The following PXDNL variants were observed in gnomAD, a reference collection of about 807,000 sequenced individuals.
PXDNL encodes the protein peroxidasin like.
PXDNL carries 145 observed loss-of-function variants against 150.8 expected under a neutral mutation model. The observed-to-expected ratio is 0.96, with a 90% CI of 0.84 to 1.10. The LOEUF (loss-of-function observed/expected upper bound fraction) is 1.10, where lower values mean the gene tolerates loss of function less well. Among genes scored for constraint, PXDNL ranks in the 50% least tolerant of loss-of-function variants. The probability of loss-of-function intolerance (pLI) is 0.00; values close to 1 mark genes in which losing one functional copy is unlikely to be tolerated. For missense variants in PXDNL, 2,087 were observed against 1,873.9 expected (o/e 1.11, Z -2.10); for synonymous variants, 757 against 725.7 (o/e 1.04, Z -0.69).
intron 2 of PXDNL, among the ~76,000 whole-genome samples, chr8:51,637,314 G>A (rs573878988): frequency 5.9e-5 from 9 of 152,220 alleles, no homozygotes; most frequent in South Asian, 2.1e-4. Context: ...ACAAATGAAC[G>A]CAGCTCCTCA....
At chr8:51,420,254 A>G (rs533406288) in intron 14 of PXDNL, among the ~76,000 whole-genome samples, 3 of 152,326 alleles carry the variant, frequency 2.0e-5, no homozygotes, top group Non-Finnish European at 2.9e-5. Context: ...CCTGTAAGGT[A>G]TGAACTTTTC....
rs1247490204 is a variant in PXDNL at position 51,744,049 on chromosome 8, G to A, written c.164+65132C>T. 1.6e-4 allele frequency among the ~76,000 whole-genome samples: 6 copies of A among 38,244 alleles called. No individual in the cohort carries two copies. The South Asian group carries it at 6.6e-3, about 42-fold the overall frequency. The allele number at this position is 38,244 out of a possible 152,430, so 25.1% of individuals were successfully genotyped here. Reference sequence around the variant, plus strand: ...AAGAGGGAAGGAAGGAAGGAAGGAAGGAAGGAAGGAAGGAAGGAAGGAAGG... The same window carrying A: ...AAGAGGGAAGGAAGGAAGGAAGGAAAGAAGGAAGGAAGGAAGGAAGGAAGG... On this transcript the variant is annotated intron_variant, in intron 1 of 22. Coordinates refer to ENST00000356297, the MANE Select transcript of PXDNL (RefSeq NM_144651.5).
At chr8:51,392,530 G>T (rs1414680201) in intron 17 of PXDNL, among the ~76,000 whole-genome samples, 3 of 151,448 alleles carry the variant, frequency 2.0e-5, no homozygotes, top group Non-Finnish European at 2.9e-5. Context: ...TCATGATTTG[G>T]CTCTCTGTTT....
chr8:51,517,651 T>C (rs1250772291), intron 4 of PXDNL, among the ~76,000 whole-genome samples: 1 of 152,244 alleles, frequency 6.6e-6, no homozygotes, highest in East Asian at 1.9e-4. Flanking sequence ...ATTATATGTG[T>C]AATTGCCTCT....
intron 4 of PXDNL, among the ~76,000 whole-genome samples, chr8:51,544,318 C>A (rs1812303178): frequency 6.6e-6 from 1 of 152,040 alleles, no homozygotes; most frequent in Non-Finnish European, 1.5e-5. Context: ...AGGGGTGAGG[C>A]CTGATAATAA....
intron 1 of PXDNL, among the ~76,000 whole-genome samples, chr8:51,805,362 T>C (rs1007758946): frequency 3.4e-5 from 5 of 148,330 alleles, no homozygotes; most frequent in African/African-American, 4.9e-5. Context: ...ACTTTATATA[T>C]AATTTAAATT....
chr8:51,360,444 A>C (rs576268467), intron 19 of PXDNL, among the ~76,000 whole-genome samples: 1 of 152,296 alleles, frequency 6.6e-6, no homozygotes, highest in Admixed American at 6.5e-5. Context: ...ATAGCTATAC[A>C]TGCCTATACA....
At chr8:51,601,621 T>C (rs1173200376) in intron 2 of PXDNL, among the ~76,000 whole-genome samples, 1 of 152,054 alleles carries the variant, frequency 6.6e-6, no homozygotes, top group Admixed American at 6.6e-5. Flanking sequence ...CATGTCTGAG[T>C]TGAATCTCTT....
At chr8:51,428,610 A>G (rs1176210651) in intron 12 of PXDNL, among the ~76,000 whole-genome samples, 5 of 152,238 alleles carry the variant, frequency 3.3e-5, no homozygotes, top group African/African-American at 7.2e-5. Flanking sequence ...GAAGCAGTTC[A>G]CTGGAAGCCT....
rs561863852 is a variant in PXDNL, at chr8:51,686,455, G to A, written c.165-31695C>T. Among the ~76,000 whole-genome samples, 4 of 152,294 alleles carry A rather than the reference G, an allele frequency of 2.6e-5. No individual in the cohort carries two copies. In the East Asian group the frequency reaches 7.7e-4, roughly 29 times the overall value. ...AGCAAAATAGCAGTAATTGCTAGTG[G>A]TTCTCCTCCTGTTCCCCAATCGGGG... On this transcript the variant is annotated intron_variant, in intron 1 of 22. Transcript: ENST00000356297.
intron 1 of PXDNL, among the ~76,000 whole-genome samples, chr8:51,786,291 C>T (rs1184738860): frequency 1.3e-5 from 2 of 152,130 alleles, no homozygotes; most frequent in Admixed American, 1.3e-4. Flanking sequence ...TCACTGCAAC[C>T]TCCACCTCCT....
At chr8:51,631,622 G>A (rs192001638) in intron 2 of PXDNL, among the ~76,000 whole-genome samples, 211 of 152,136 alleles carry the variant, frequency 1.4e-3, no homozygotes, top group African/African-American at 4.8e-3. Flanking sequence ...AACTATATAG[G>A]TAATTATAAA....
chr8:51,453,865 G>T (rs755269435), intron 9 of PXDNL, 80 bp from the exon 10 acceptor site: 46 of 1,461,620 alleles, frequency 3.1e-5, no homozygotes, highest in Non-Finnish European at 3.8e-5. Flanking sequence ...GTGGTTTTAA[G>T]ATTATTGTCA....
chr8:51,365,607 T>C (rs565909349), intron 19 of PXDNL, among the ~76,000 whole-genome samples: 1 of 152,322 alleles, frequency 6.6e-6, no homozygotes, highest in East Asian at 1.9e-4. Flanking sequence ...AACGTTTGCA[T>C]GCAGCCATCT....
chr8:51,770,576 C>T (rs992439156), intron 1 of PXDNL, among the ~76,000 whole-genome samples: 4 of 152,212 alleles, frequency 2.6e-5, no homozygotes, highest in African/African-American at 9.6e-5. Context: ...TTCCATGTCT[C>T]CTGCTGTCTC....
chr8:51,678,478 C>A (rs558608640), intron 1 of PXDNL, among the ~76,000 whole-genome samples: 2 of 151,824 alleles, frequency 1.3e-5, no homozygotes, highest in Non-Finnish European at 1.5e-5. Flanking sequence ...AGATGTCCAA[C>A]AATGATAGAC....
chr8:51,507,934 T>G (rs1811327734), intron 4 of PXDNL, among the ~76,000 whole-genome samples: 1 of 151,836 alleles, frequency 6.6e-6, no homozygotes, highest in Non-Finnish European at 1.5e-5. Context: ...CGGGAAGGAG[T>G]GGTGGTGACG....
intron 2 of PXDNL, among the ~76,000 whole-genome samples, chr8:51,646,439 G>T (rs1470585584): frequency 2.6e-5 from 4 of 152,166 alleles, no homozygotes; most frequent in African/African-American, 9.7e-5. Context: ...ATAACACAAA[G>T]TGCAATTAAG....
intron 1 of PXDNL, among the ~76,000 whole-genome samples, chr8:51,719,765 C>G (rs983389441): frequency 2.0e-5 from 3 of 152,042 alleles, no homozygotes; most frequent in South Asian, 2.1e-4. Context: ...AACTCCACAT[C>G]TTCCTGGATT....
Sources: gnomAD v4.1 joint callset for allele counts (sites outside exome capture counted in the v4.1 genomes callset) on GRCh38, gnomAD v4.1.1 for gene constraint, MANE v1.5 for transcripts, NCBI Gene and HGNC (gene_info 2026-07-23, HGNC 2026-07-21) for gene names.